SPATA21: variants seen among roughly 807,000 people sequenced by gnomAD.
SPATA21 encodes the protein spermatogenesis-associated protein 21.
A neutral mutation model predicts 54.8 loss-of-function variants in SPATA21; 47 were observed. The observed-to-expected ratio is 0.86, with a 90% CI of 0.68 to 1.09. The LOEUF is 1.09. SPATA21 is among the 50% of genes least tolerant of loss of function. The pLI, the probability that SPATA21 is intolerant of heterozygous loss-of-function variation, is 0.00. For missense variants in SPATA21, 599 were observed against 596.4 expected, an observed-to-expected ratio of 1.00 and a Z score of -0.05; for synonymous variants, 245 against 235.3, an observed-to-expected ratio of 1.04 and a Z score of -0.38.
rs41269197 is a variant in SPATA21 at position 16,409,832 on chromosome 1, G to T, written c.356C>A (p.Pro119Gln). 1 of 1,598,828 alleles carries T rather than the reference G, an allele frequency of 6.3e-7. No individual in the cohort carries two copies. Among genetic ancestry groups the T allele is most frequent in the Admixed American group, 1.7e-5 (1 of 57,356 alleles). Reference protein sequence around the residue: ...TAQKSPRTLTPVPTSAPSLPQ... With the variant: ...TAQKSPRTLTQVPTSAPSLPQ... ...CAGGCTTGGAGCTGAGGTGGGCACC[G>T]GGGTCAGGGTCCTGGGCGACTTCTG... The change falls in exon 6 of 13, where the codon CCG becomes CAG. Residue 119 changes from proline (P) to glutamine (Q), a missense_variant. Transcript: ENST00000335496. The surrounding 1 kb of genome is among the most constrained non-coding windows in gnomAD (Gnocchi z 4.1).
At chr1:16,397,412 T>C (rs947168022), downstream of SPATA21, 1 of 152,238 alleles carries the variant, frequency 6.6e-6, no homozygotes, top group African/African-American at 2.4e-5. The surrounding 1 kb of genome is among the most constrained non-coding windows in gnomAD (Gnocchi z 5.4). Flanking sequence ...GTTTGGATTT[T>C]GTGTGTGGGA....
In SPATA21 at chr1:16,421,769, G is replaced by A; in HGVS notation, c.95+142C>T. 1 of 1,330,384 alleles carries A rather than the reference G, an allele frequency of 7.5e-7. No individual in the cohort carries two copies. Among genetic ancestry groups the A allele is most frequent in the Non-Finnish European group, 1.1e-6 (1 of 940,260 alleles). The allele number at this position is 1,330,384 out of a possible 1,614,324, so 82.4% of individuals were successfully genotyped here. ...GTATTCCAGCCATTACACAGATGGG[G>A]AAATTGAGACCCAGCGGAGCATGAC... is the stretch of plus-strand genomic sequence containing the variant. On this transcript the variant is annotated intron_variant, in intron 4 of 12. Transcript: ENST00000335496. This position sits in a 1 kb window ranked among gnomAD's most constrained non-coding sequence, Gnocchi z 5.2.
chr1:16,401,976 C>T (rs1032253682), intron 10 of SPATA21, among the ~76,000 whole-genome samples: 3 of 152,138 alleles, frequency 2.0e-5, no homozygotes, highest in African/African-American at 2.4e-5. Context: ...TAGCCTCAGC[C>T]GCACCTCTTA....
chr1:16,434,361 C>T (rs1164730278), intron 1 of SPATA21, among the ~76,000 whole-genome samples: 1 of 151,434 alleles, frequency 6.6e-6, no homozygotes, highest in African/African-American at 2.4e-5. Flanking sequence ...TCGTAGCTTA[C>T]TATAGCCTCA....
intron 5 of SPATA21, among the ~76,000 whole-genome samples, chr1:16,420,109 T>C (rs1252856231): frequency 6.6e-6 from 1 of 151,644 alleles, no homozygotes; most frequent in African/African-American, 2.4e-5. Context: ...GAGTTGCTAG[T>C]GACATGGGAG....
rs1480401825 is a variant in SPATA21 at position 16,409,788 on chromosome 1, C to A, written c.400G>T (p.Val134Phe). 1 of 1,602,372 alleles carries A rather than the reference C, an allele frequency of 6.2e-7. No homozygotes were observed. The highest frequency in any genetic ancestry group is 8.5e-7 in the Non-Finnish European group (1 of 1,174,778). Residue 134 changes from valine (V) to phenylalanine (F), a missense_variant, in exon 6 of 13, where the codon GTC (valine) becomes TTC (phenylalanine). Physicochemically the swap from Val to Phe is conservative, Grantham distance 50. Transcript: ENST00000335496. The surrounding 1 kb of genome is among the most constrained non-coding windows in gnomAD (Gnocchi z 4.1). ...APSLPQTPASVPASGPSWARL... is the reference protein window; with the variant it reads ...APSLPQTPASFPASGPSWARL... ...GCCCACGATGGGCCGCTGGCAGGGA[C>A]CGAGGCAGGGGTCTGAGGCAGGCTT...
chr1:16,433,904 G>A lies in SPATA21; in HGVS notation c.-186-980C>T, dbSNP rs569196330. Among the ~76,000 whole-genome samples, 11 of 152,190 alleles carry A rather than the reference G, an allele frequency of 7.2e-5. No individual in the cohort carries two copies. In the South Asian group the frequency reaches 1.0e-3, roughly 14 times the overall value. On this transcript the variant is annotated intron_variant, in intron 1 of 12. Coordinates refer to ENST00000335496, the MANE Select transcript of SPATA21 (RefSeq NM_198546.1). ...ACCCATTTAAAGTGTACAATTCAACGGCTTTTAGGATATTCACAGAGTTGT... is the reference window on the plus strand; with the variant it reads ...ACCCATTTAAAGTGTACAATTCAACAGCTTTTAGGATATTCACAGAGTTGT...
At position 16,428,134 on chromosome 1, in the gene SPATA21, C is replaced by G; in HGVS notation, c.34+3204G>C. 1.5e-6 allele frequency: 2 copies of G among 1,314,664 alleles called. No homozygotes were observed. The highest frequency in any genetic ancestry group is 2.0e-6 in the Non-Finnish European group (2 of 985,824). 81.4% of individuals were successfully genotyped at this position (1,314,664 alleles called of 1,614,324 possible). A position where few individuals can be genotyped will look rare whatever the true frequency, so the allele number is the denominator to read the frequency against. On this transcript the variant is annotated intron_variant, in intron 3 of 12. Coordinates refer to ENST00000335496, the MANE Select transcript of SPATA21 (RefSeq NM_198546.1). The surrounding 1 kb of genome is among the most constrained non-coding windows in gnomAD (Gnocchi z 4.3). ...GCCTCAAGGACAGGGAGATCCTGTG[C>G]CTGATTGGGGAAGCTGTTGGAGAGG...
rs892401164 is a variant in SPATA21 at position 16,402,188 on chromosome 1, G to A, written c.1002-1296C>T. ...GCACCTGTGGGGCACCCTTGCCAAA[G>A]GTGTTAGTAGATGAGCTATACAGGC... On this transcript the variant is annotated intron_variant, in intron 10 of 12. Transcript: ENST00000335496. Among the ~76,000 whole-genome samples, 5 of 149,626 alleles carry A rather than the reference G, an allele frequency of 3.3e-5. No homozygotes were observed. The South Asian group carries it at 6.5e-4, about 19-fold the overall frequency.
intron 10 of SPATA21, among the ~76,000 whole-genome samples, chr1:16,403,066 G>A (rs571931241): frequency 6.6e-6 from 1 of 152,244 alleles, no homozygotes; most frequent in East Asian, 1.9e-4. Flanking sequence ...TTCTGCCTTC[G>A]CCTTTGCTTC....
chr1:16,405,850 C>A (rs1271791096), intron 7 of SPATA21, among the ~76,000 whole-genome samples: 1 of 152,212 alleles, frequency 6.6e-6, no homozygotes, highest in African/African-American at 2.4e-5. Context: ...TAGGGACAGA[C>A]TTAGTCAGAA....
intron 3 of SPATA21, among the ~76,000 whole-genome samples, chr1:16,429,340 C>T (rs144408609): frequency 0.011 from 1,627 of 151,310 alleles, 33 homozygotes; most frequent in African/African-American, 0.037. Context: ...CGATGTTGCC[C>T]AGGCTGGTCT....
chr1:16,400,286 G>C (rs1570077751), intron 11 of SPATA21, among the ~76,000 whole-genome samples: 1 of 152,066 alleles, frequency 6.6e-6, no homozygotes, highest in African/African-American at 2.4e-5. Flanking sequence ...CAAAGTGCTG[G>C]GATTACAGAT....
chr1:16,401,085 C>G (rs1457936682), intron 10 of SPATA21, among the ~76,000 whole-genome samples, 193 bp from the exon 11 acceptor site: 6 of 152,142 alleles, frequency 3.9e-5, no homozygotes, highest in African/African-American at 1.4e-4. Context: ...CCTCAGTCAC[C>G]CTGTGTAAAA....
At chr1:16,414,999 G>A (rs1160601451) in intron 5 of SPATA21, among the ~76,000 whole-genome samples, 2 of 151,196 alleles carry the variant, frequency 1.3e-5, no homozygotes, top group African/African-American at 4.9e-5. Flanking sequence ...TGAATTAAGG[G>A]CAAATGCTCA....
At chr1:16,410,152 T>C (rs2085797230) in intron 5 of SPATA21, 109 bp from the exon 6 acceptor site, 1 of 926,192 alleles carries the variant, frequency 1.1e-6, no homozygotes, top group Non-Finnish European at 1.6e-6. Flanking sequence ...CCTTACTCTC[T>C]GAGCCTTTGG....
intron 5 of SPATA21, among the ~76,000 whole-genome samples, chr1:16,417,850 G>C (rs1257130751): frequency 6.6e-6 from 1 of 152,104 alleles, no homozygotes; most frequent in Non-Finnish European, 1.5e-5. Context: ...GATTACAGGC[G>C]TGAGCCACTC....
intron 7 of SPATA21, among the ~76,000 whole-genome samples, chr1:16,406,011 C>G (rs907352034): frequency 6.6e-6 from 1 of 152,206 alleles, no homozygotes; most frequent in Non-Finnish European, 1.5e-5. Context: ...GCTACTGGCA[C>G]TGAGTGGAGG....
intron 10 of SPATA21, 116 bp downstream of exon 10, chr1:16,403,611 C>T (rs955948387): frequency 5.4e-6 from 5 of 923,294 alleles, no homozygotes; most frequent in Non-Finnish European, 8.8e-6. Context: ...GCCTCAGCCT[C>T]CAGTTTCTTT....
Sources: allele counts gnomAD v4.1 joint callset (sites outside exome capture counted in the v4.1 genomes callset), GRCh38; gene constraint gnomAD v4.1.1; non-coding constraint Gnocchi (gnomAD v3.1); transcripts MANE v1.5; gene names NCBI Gene and HGNC (gene_info 2026-07-23, HGNC 2026-07-21).